Variants in XKR6 observed in about 807,000 individuals in gnomAD.
XKR6 encodes the protein XK-related protein 6.
XKR6 carries 22 observed loss-of-function variants against 56.7 expected under a neutral mutation model. The observed-to-expected ratio is 0.39, with a 90% CI of 0.28 to 0.55. XKR6 has a LOEUF of 0.55. Ranked by LOEUF, XKR6 falls within the 20% of genes least tolerant of loss-of-function variation. XKR6 has a pLI of 0.66. For synonymous variants in XKR6, 524 were observed against 387.8 expected, an observed-to-expected ratio of 1.35 and a Z score of -4.13; for missense variants, 852 against 889.0, an observed-to-expected ratio of 0.96 and a Z score of 0.53.
intron 1 of XKR6, among the ~76,000 whole-genome samples, chr8:11,163,057 A>C (rs1364718059): frequency 6.6e-6 from 1 of 152,250 alleles, no homozygotes; most frequent in Non-Finnish European, 1.5e-5. Flanking sequence ...CTTGTACAGG[A>C]AAACAAGGAA....
intron 1 of XKR6, among the ~76,000 whole-genome samples, chr8:11,024,863 A>C (rs114315122): frequency 0.02 from 3,109 of 151,876 alleles, 108 homozygotes; most frequent in African/African-American, 0.07. Context: ...ATCCATCCCT[A>C]CTCCTCCCAG....
intron 1 of XKR6, among the ~76,000 whole-genome samples, chr8:11,051,670 T>C (rs767914641): frequency 6.6e-6 from 1 of 152,150 alleles, no homozygotes; most frequent in Non-Finnish European, 1.5e-5. Flanking sequence ...CCTTGGCTGA[T>C]ACTAACTGAC....
intron 1 of XKR6, among the ~76,000 whole-genome samples, chr8:10,991,194 C>A (rs1324750575): frequency 6.6e-6 from 1 of 152,028 alleles, no homozygotes; most frequent in African/African-American, 2.4e-5. Context: ...GTGAGCCACC[C>A]CAGCTGGGAA....
intron 1 of XKR6, chr8:11,106,837 TGA>T: frequency 2.2e-5 from 1 of 46,026 alleles, no homozygotes; most frequent in East Asian, 2.2e-4. Flanking sequence ...GGCAAGAGAG[TGA>T]GACTTCATCT....
At chr8:11,009,592 C>T (rs932122992) in intron 1 of XKR6, among the ~76,000 whole-genome samples, 2 of 152,108 alleles carry the variant, frequency 1.3e-5, no homozygotes, top group African/African-American at 4.8e-5. Context: ...AATTTGGGTT[C>T]AAAACTGGTC....
chr8:11,126,348 G>C (rs530687456), intron 1 of XKR6, among the ~76,000 whole-genome samples: 1 of 152,168 alleles, frequency 6.6e-6, no homozygotes, highest in Admixed American at 6.5e-5. Context: ...TTACAGGCGT[G>C]AGCCACTGTG....
chr8:11,168,558 T>C (rs944538811), intron 1 of XKR6, among the ~76,000 whole-genome samples: 4 of 152,084 alleles, frequency 2.6e-5, no homozygotes, highest in African/African-American at 9.7e-5. Flanking sequence ...AACAGACATA[T>C]ACAGAACATT....
intron 2 of XKR6, among the ~76,000 whole-genome samples, chr8:10,912,482 G>C (rs1800422130): frequency 6.9e-6 from 1 of 145,262 alleles, no homozygotes; most frequent in Non-Finnish European, 1.5e-5. Flanking sequence ...GAGAGAGAGA[G>C]AGAGAGACAG....
intron 1 of XKR6, among the ~76,000 whole-genome samples, chr8:11,010,981 C>A (rs1422258950): frequency 6.6e-6 from 1 of 152,194 alleles, no homozygotes; most frequent in Non-Finnish European, 1.5e-5. Context: ...AGGTATTTTG[C>A]TGAGCACACT....
At chr8:11,121,235 T>C (rs1299852071) in intron 1 of XKR6, among the ~76,000 whole-genome samples, 3 of 152,044 alleles carry the variant, frequency 2.0e-5, no homozygotes, top group Non-Finnish European at 2.9e-5. Context: ...GAAACTACCA[T>C]CAGAGTGAAC....
chr8:11,024,204 G>GGTGTGTGTGTGT (rs61021720), intron 1 of XKR6, among the ~76,000 whole-genome samples: 210 of 136,888 alleles, frequency 1.5e-3, no homozygotes, highest in Middle Eastern at 3.6e-3. Context: ...CCTGTTAGGA[G>GGTGTGTGTGTGT]GTGTGTGTGT....
chr8:10,922,739 G>C (rs1231353135), intron 2 of XKR6, among the ~76,000 whole-genome samples: 1 of 152,216 alleles, frequency 6.6e-6, no homozygotes, highest in Non-Finnish European at 1.5e-5. Context: ...TGAAGATGGA[G>C]CATCACCAAG....
intron 1 of XKR6, chr8:11,124,361 C>A (rs547775434): frequency 3.5e-6 from 1 of 287,858 alleles, no homozygotes; most frequent in South Asian, 3.7e-5. Flanking sequence ...GGGGCCAACT[C>A]GATGTGAACA....
Position 11,099,355 on chromosome 8 carries a change from A to G in XKR6, c.764+101221T>C, listed in dbSNP as rs571931400. Among the ~76,000 whole-genome samples the G allele has an allele frequency of 2.0e-5, 3 of 152,346 alleles. No homozygotes were observed. The South Asian group carries it at 6.2e-4, about 32-fold the overall frequency. On this transcript the variant is annotated intron_variant, in intron 1 of 2. Coordinates refer to ENST00000416569, the MANE Select transcript of XKR6 (RefSeq NM_173683.4). ...TACCTGTTAAATGGCTGAATCTACT[A>G]AAACATTTTTAAAAGATGATGCTTA... is the stretch of plus-strand genomic sequence containing the variant.
chr8:10,975,253 G>T (rs1802519767), intron 1 of XKR6, among the ~76,000 whole-genome samples: 2 of 152,194 alleles, frequency 1.3e-5, no homozygotes, highest in African/African-American at 4.8e-5. Context: ...AGTGTGGGTG[G>T]CACCATCCCA....
intron 1 of XKR6, among the ~76,000 whole-genome samples, chr8:11,025,702 A>G (rs1798845649): frequency 1.3e-5 from 2 of 152,238 alleles, no homozygotes; most frequent in African/African-American, 4.8e-5. Flanking sequence ...GGTGCATGAA[A>G]TAAAGCTCTT....
In XKR6 at chr8:11,144,223, A is replaced by AGTGTGTGTGTGTGTGTGT. The variant is rs35351104; in HGVS notation, c.764+56335_764+56352dup. Among the ~76,000 whole-genome samples the AGTGTGTGTGTGTGTGTGT allele has an allele frequency of 4.3e-3, 584 of 136,490 alleles. 4 individuals are homozygous for AGTGTGTGTGTGTGTGTGT. Among genetic ancestry groups the AGTGTGTGTGTGTGTGTGT allele is most frequent in the African/African-American group, 0.011 (382 of 34,132 alleles). 89.5% of individuals were successfully genotyped at this position (136,490 alleles called of 152,430 possible). On this transcript the variant is annotated intron_variant, in intron 1 of 2. Transcript: ENST00000416569. ...TGATGTAGTTTTGTTTTAAATAAAA[A>AGTGTGTGTGTGTGTGTGT]GTGTGTGTGTGTGTGTGTGTGTGTG...
intron 1 of XKR6, among the ~76,000 whole-genome samples, chr8:11,009,151 A>G (rs1400210468): frequency 2.0e-5 from 3 of 151,936 alleles, no homozygotes; most frequent in Admixed American, 2.0e-4. Flanking sequence ...TCCATAGTCA[A>G]TCAATCAATC....
chr8:10,923,954 A>G (rs1388968650), intron 2 of XKR6, among the ~76,000 whole-genome samples: 1 of 152,238 alleles, frequency 6.6e-6, no homozygotes, highest in African/African-American at 2.4e-5. Context: ...GTACCTCCCA[A>G]GACAGTTCAT....
Sources: allele counts gnomAD v4.1 joint callset (sites outside exome capture counted in the v4.1 genomes callset), GRCh38; gene constraint gnomAD v4.1.1; transcripts MANE v1.5; gene names NCBI Gene and HGNC (gene_info 2026-07-23, HGNC 2026-07-21).